RAB44: variants seen among roughly 807,000 people sequenced by gnomAD.
RAB44 encodes the protein ras-related protein Rab-44.
RAB44 carries 67 observed loss-of-function variants against 93.3 expected under a neutral mutation model. That is an observed-to-expected ratio of 0.72 (90% CI 0.59 to 0.88). The LOEUF (loss-of-function observed/expected upper bound fraction) is 0.88. Among genes scored for constraint, RAB44 ranks in the 40% least tolerant of loss-of-function variants. The probability of loss-of-function intolerance (pLI) is 0.00; values close to 1 mark genes in which losing one functional copy is unlikely to be tolerated. For missense variants in RAB44, 1,064 were observed against 1,261.7 expected (o/e 0.84, Z 2.37); for synonymous variants, 427 against 520.3 (o/e 0.82, Z 2.44).
rs779225534 is a variant in RAB44, at chr6:36,715,603, G to A, written c.444G>A (p.Glu148=). Residue 148 remains glutamate, a synonymous_variant, in exon 4 of 14, where the codon GAG becomes GAA. Transcript: ENST00000612677. ...AGGAGGCGGATGCTGAGGAGAAGGA[G>A]GCGTTCCTTGCCTTCATGGAGCAGC... The part of the protein sequence containing the change: ...ALEEADAEEK[E]AFLAFMEQLG... The A allele has an allele frequency of 9.8e-6, 15 of 1,536,090 alleles. No individual in the cohort carries two copies.
chr6:36,707,765 A>G lies in RAB44; in HGVS notation c.207+3323A>G, dbSNP rs544475769. Among the ~76,000 whole-genome samples, 7 of 152,348 alleles carry G rather than the reference A, an allele frequency of 4.6e-5. No individual in the cohort carries two copies. In the South Asian group the frequency reaches 1.5e-3, roughly 32 times the overall value. On this transcript the variant is annotated intron_variant, in intron 2 of 13. Coordinates refer to ENST00000612677, the MANE Select transcript of RAB44 (RefSeq NM_001257357.2). ...CAGTCTGTGGCCTGCAGCTTATAGC[A>G]GAGGCTTCAGGCAGGCATTGGAAAG...
chr6:36,700,479 C>T (rs921020117), intron 1 of RAB44, among the ~76,000 whole-genome samples: 3 of 152,160 alleles, frequency 2.0e-5, no homozygotes, highest in Non-Finnish European at 2.9e-5. Flanking sequence ...CTCACTCTGT[C>T]GCCCAGGCTG....
intron 2 of RAB44, among the ~76,000 whole-genome samples, chr6:36,706,044 C>T (rs1227800605): frequency 6.6e-6 from 1 of 152,052 alleles, no homozygotes; most frequent in East Asian, 1.9e-4. Flanking sequence ...GGACTAAAGG[C>T]ACAGGCCACT....
At position 36,731,955 on chromosome 6, in the gene RAB44, GC is replaced by G; in HGVS notation, c.2976-45del. The G allele has an allele frequency of 4.2e-6, 5 of 1,195,906 alleles. No homozygotes were observed. Among genetic ancestry groups the G allele is most frequent in the Non-Finnish European group, 5.2e-6 (5 of 954,968 alleles). The allele number at this position is 1,195,906 out of a possible 1,614,324, so 74.1% of individuals were successfully genotyped here. On this transcript the variant is annotated intron_variant, in intron 13 of 13. Coordinates refer to ENST00000612677, the MANE Select transcript of RAB44 (RefSeq NM_001257357.2). The surrounding 1 kb of genome is among the most constrained non-coding windows in gnomAD (Gnocchi z 4.0). Reference sequence around the variant, plus strand: ...CTGCACCCATGGGCCCATCCGTGCTGCCCGTAGGAGGTGAGAGAGAGGCCTG... The same window carrying G: ...CTGCACCCATGGGCCCATCCGTGCTGCCGTAGGAGGTGAGAGAGAGGCCTG...
intron 1 of RAB44, among the ~76,000 whole-genome samples, chr6:36,703,131 TGTG>T (rs1762552296): frequency 6.6e-6 from 1 of 152,190 alleles, no homozygotes; most frequent in Non-Finnish European, 1.5e-5. Flanking sequence ...TGGGCCTTCT[TGTG>T]GTGTCTTCCC....
At chr6:36,707,059 C>T (rs574206175) in intron 2 of RAB44, among the ~76,000 whole-genome samples, 8 of 152,206 alleles carry the variant, frequency 5.3e-5, no homozygotes, top group African/African-American at 1.9e-4. Context: ...GTGGCTCACG[C>T]CTGTAATCTC....
intron 9 of RAB44, among the ~76,000 whole-genome samples, chr6:36,724,794 C>A (rs540252754): frequency 6.6e-6 from 1 of 152,108 alleles, no homozygotes. Flanking sequence ...TTTGCTGCCC[C>A]CCGGTGGCTA....
intron 4 of RAB44, among the ~76,000 whole-genome samples, chr6:36,716,237 A>AG (rs1762917774): frequency 6.6e-6 from 1 of 152,032 alleles, no homozygotes; most frequent in Non-Finnish European, 1.5e-5. Flanking sequence ...TGGGAGGCTG[A>AG]GGCGGGTGGA....
chr6:36,699,493 A>G (rs903047943), intron 1 of RAB44, among the ~76,000 whole-genome samples: 2 of 152,168 alleles, frequency 1.3e-5, no homozygotes, highest in Non-Finnish European at 2.9e-5. Context: ...CATTGCCGGA[A>G]GTACATGAGA....
intron 13 of RAB44, 48 bp downstream of exon 13, chr6:36,730,797 T>G: frequency 1.4e-6 from 1 of 726,952 alleles, no homozygotes; most frequent in Non-Finnish European, 1.6e-6. Flanking sequence ...CCTTGCAGAA[T>G]CCTCTGGGAC....
intron 2 of RAB44, among the ~76,000 whole-genome samples, chr6:36,711,962 C>G (rs1381669234): frequency 6.6e-6 from 1 of 151,836 alleles, no homozygotes; most frequent in African/African-American, 2.4e-5. Context: ...CACAGACACA[C>G]AGAGAATGTC....
intron 1 of RAB44, among the ~76,000 whole-genome samples, chr6:36,699,356 G>C (rs1035273030): frequency 6.6e-6 from 1 of 152,150 alleles, no homozygotes; most frequent in African/African-American, 2.4e-5. Context: ...ATTTCTTCCA[G>C]GATTCTAACA....
chr6:36,722,790 A>G, intron 9 of RAB44, 57 bp downstream of exon 9: 5 of 1,542,132 alleles, frequency 3.2e-6, no homozygotes, highest in Non-Finnish European at 4.4e-6. Flanking sequence ...GCCAGGGCCA[A>G]CGAGTGAGAG....
intron 6 of RAB44, 137 bp from the exon 7 acceptor site, chr6:36,718,356 T>C (rs934472937): frequency 3.0e-5 from 14 of 462,700 alleles, no homozygotes; most frequent in Non-Finnish European, 3.9e-5. Context: ...ACTGGAGGAG[T>C]TGTCCTGAGA....
chr6:36,717,461 G>C lies in RAB44; in HGVS notation c.641+42G>C. The stretch of plus-strand genomic sequence containing the variant: ...GCCGGGTGTCTGATACGAAGTAGGT[G>C]CTCTTCACATTCCAGTGGAATCTGG... On this transcript the variant is annotated intron_variant, in intron 5 of 13. Coordinates refer to ENST00000612677, the MANE Select transcript of RAB44 (RefSeq NM_001257357.2). This position sits in a 1 kb window ranked among gnomAD's most constrained non-coding sequence, Gnocchi z 4.1. 8.1e-7 allele frequency: 1 copy of C among 1,231,838 alleles called. No individual in the cohort carries two copies. Among genetic ancestry groups the C allele is most frequent in the Non-Finnish European group, 1.0e-6 (1 of 988,048 alleles). The allele number at this position is 1,231,838 out of a possible 1,614,324, so 76.3% of individuals were successfully genotyped here. A position where few individuals can be genotyped will look rare whatever the true frequency, so the allele number is the denominator to read the frequency against.
chr6:36,730,377 C>T (rs1007224946), intron 12 of RAB44, among the ~76,000 whole-genome samples: 8 of 152,180 alleles, frequency 5.3e-5, no homozygotes, highest in African/African-American at 1.7e-4. Context: ...TATAAAATGT[C>T]TCCAGGGGCA....
chr6:36,700,462 AC>A (rs1762483568), intron 1 of RAB44, among the ~76,000 whole-genome samples: 1 of 151,994 alleles, frequency 6.6e-6, no homozygotes, highest in Non-Finnish European at 1.5e-5. Flanking sequence ...TTTTTTTGAG[AC>A]AGAATCTCAC....
rs1418121988 is a variant in RAB44 at position 36,732,167 on chromosome 6, G to A, written c.*74G>A. The A allele has an allele frequency of 2.1e-6, 2 of 950,258 alleles. No individual in the cohort carries two copies. Among genetic ancestry groups the A allele is most frequent in the Non-Finnish European group, 2.7e-6 (2 of 729,676 alleles). 58.9% of individuals were successfully genotyped at this position (950,258 alleles called of 1,614,324 possible). ...CCTCAGCTCCTGTCCTTTGTTCCTG[G>A]ACAGCAACGACACAGAGGACCAGCT... On this transcript the variant is annotated 3_prime_UTR_variant, in exon 14 of 14. Coordinates refer to ENST00000612677, the MANE Select transcript of RAB44 (RefSeq NM_001257357.2).
In RAB44 at chr6:36,715,608, TCCTTG is replaced by T; in HGVS notation, c.454_458del (p.Ala152HisfsTer63). The T allele has an allele frequency of 6.5e-7, 1 of 1,536,198 alleles. No individual in the cohort carries two copies. The highest frequency in any genetic ancestry group is 8.7e-7 in the Non-Finnish European group (1 of 1,146,918). On this transcript the variant is annotated frameshift_variant, in exon 4 of 14. Coordinates refer to ENST00000612677, the MANE Select transcript of RAB44 (RefSeq NM_001257357.2). LOFTEE classifies it high-confidence loss of function. Reference sequence around the variant, plus strand: ...GCGGATGCTGAGGAGAAGGAGGCGTTCCTTGCCTTCATGGAGCAGCTGGGGACTGG... The same window carrying T: ...GCGGATGCTGAGGAGAAGGAGGCGTTCCTTCATGGAGCAGCTGGGGACTGG...
Sources: gnomAD v4.1 joint callset for allele counts (sites outside exome capture counted in the v4.1 genomes callset) on GRCh38, gnomAD v4.1.1 for gene constraint, Gnocchi (gnomAD v3.1) non-coding constraint, MANE v1.5 for transcripts, NCBI Gene and HGNC (gene_info 2026-07-23, HGNC 2026-07-21) for gene names.